Variants in NTM observed in about 807,000 individuals in gnomAD.
NTM encodes neurotrimin, also known as IgLON family member 2.
In NTM, 13 loss-of-function variants were observed where a neutral mutation model predicts 42.1. The ratio of observed to expected loss-of-function variants is 0.31; its 90% CI spans 0.20 to 0.49. NTM has a LOEUF of 0.49. NTM is among the 20% of genes least tolerant of loss of function. The pLI, the probability that NTM is intolerant of heterozygous loss-of-function variation, is 0.99. For missense variants in NTM, 373 were observed against 452.8 expected (o/e 0.82, Z 1.60); for synonymous variants, 187 against 179.2 (o/e 1.04, Z -0.35).
intron 2 of NTM, among the ~76,000 whole-genome samples, chr11:131,944,487 A>G (rs1381358156): frequency 2.6e-5 from 4 of 152,204 alleles, no homozygotes; most frequent in African/African-American, 9.6e-5. Flanking sequence ...CACATGAGGA[A>G]CAATGATATC....
At chr11:131,722,245 G>A (rs1261142193) in intron 1 of NTM, among the ~76,000 whole-genome samples, 6 of 152,098 alleles carry the variant, frequency 3.9e-5, no homozygotes, top group Non-Finnish European at 7.4e-5. Flanking sequence ...CAAAGGTTCC[G>A]GACCTGTAAA....
At chr11:131,966,240 C>T (rs552212101) in intron 2 of NTM, among the ~76,000 whole-genome samples, 13 of 151,936 alleles carry the variant, frequency 8.6e-5, no homozygotes, top group Admixed American at 2.0e-4. Context: ...AAATATTTAC[C>T]GAGGCAGAAT....
chr11:132,009,692 G>T (rs150608619), intron 2 of NTM, among the ~76,000 whole-genome samples: 1 of 152,200 alleles, frequency 6.6e-6, no homozygotes, highest in African/African-American at 2.4e-5. Flanking sequence ...CAAGGAAAGC[G>T]TGCTTTTATT....
chr11:131,764,708 A>G (rs1263400515), intron 1 of NTM, among the ~76,000 whole-genome samples: 8 of 152,192 alleles, frequency 5.3e-5, no homozygotes, highest in Admixed American at 5.2e-4. Context: ...GGTATAATTG[A>G]TGCCTGTTGA....
chr11:131,910,690 C>T, intron 1 of NTM: 1 of 289,602 alleles, frequency 3.5e-6, no homozygotes, highest in Non-Finnish European at 5.1e-6. Context: ...GGCTCCGGTG[C>T]GGGCTGCGCC....
intron 1 of NTM, among the ~76,000 whole-genome samples, chr11:131,558,935 G>T (rs2055833177): frequency 6.6e-6 from 1 of 152,116 alleles, no homozygotes; most frequent in Admixed American, 6.5e-5. Context: ...AAGAAAGAAA[G>T]AAAGAAAACA....
intron 1 of NTM, among the ~76,000 whole-genome samples, chr11:131,640,758 C>T (rs540119457): frequency 3.3e-5 from 5 of 152,152 alleles, no homozygotes; most frequent in Admixed American, 3.3e-4. Context: ...ACTACTGAAG[C>T]AGAATCTCAA....
rs974610272 is a variant in NTM, at chr11:132,232,342, G to T, written c.526+20195G>T. On this transcript the variant is annotated intron_variant, in intron 4 of 8. Coordinates refer to ENST00000683400, the MANE Select transcript of NTM (RefSeq NM_001352005.2). ...AGAAAGCAAAGAGTGTGGGGAAGCT[G>T]ACAACTGATCTCCCGCATTCATGAA... Among the ~76,000 whole-genome samples, 3 of 152,150 alleles carry T rather than the reference G, an allele frequency of 2.0e-5. No homozygotes were observed. In the South Asian group the frequency reaches 6.2e-4, roughly 32 times the overall value.
chr11:131,606,805 T>C (rs533554934), intron 1 of NTM, among the ~76,000 whole-genome samples: 9 of 152,304 alleles, frequency 5.9e-5, no homozygotes, highest in Admixed American at 1.3e-4. Context: ...TCCTAGGCAA[T>C]GGGCCAGTGT....
At chr11:131,493,042 CCT>C (rs1299001204) in intron 1 of NTM, among the ~76,000 whole-genome samples, 1 of 151,480 alleles carries the variant, frequency 6.6e-6, no homozygotes, top group Non-Finnish European at 1.5e-5. Flanking sequence ...ACACGGTGAA[CCT>C]CGTCACTACC....
At chr11:131,757,283 C>T (rs958885660) in intron 1 of NTM, among the ~76,000 whole-genome samples, 2 of 152,168 alleles carry the variant, frequency 1.3e-5, no homozygotes, top group Admixed American at 6.5e-5. Context: ...CCTGTCATTG[C>T]TAATCTCTGT....
intron 1 of NTM, among the ~76,000 whole-genome samples, chr11:131,789,779 AC>A (rs1275481737): frequency 1.5e-5 from 2 of 134,594 alleles, no homozygotes; most frequent in African/African-American, 5.4e-5. Flanking sequence ...ACACGGTGAA[AC>A]CCCGTCTCTA....
intron 2 of NTM, among the ~76,000 whole-genome samples, chr11:131,966,076 C>T (rs936616346): frequency 2.0e-5 from 3 of 151,846 alleles, no homozygotes; most frequent in African/African-American, 4.8e-5. Flanking sequence ...GAAGAACACT[C>T]GAGGGTGAGT....
intron 1 of NTM, among the ~76,000 whole-genome samples, chr11:131,672,046 C>T (rs374632784): frequency 4.6e-5 from 7 of 152,244 alleles, no homozygotes; most frequent in South Asian, 4.1e-4. Flanking sequence ...TTCCTCTCCA[C>T]GTGCACATCC....
intron 3 of NTM, among the ~76,000 whole-genome samples, chr11:132,185,235 A>G (rs930766843): frequency 6.6e-6 from 1 of 152,218 alleles, no homozygotes; most frequent in Non-Finnish European, 1.5e-5. Flanking sequence ...GCACATGTAC[A>G]TACATGTGAA....
At chr11:132,163,553 G>A (rs1343892645) in intron 3 of NTM, among the ~76,000 whole-genome samples, 2 of 152,218 alleles carry the variant, frequency 1.3e-5, no homozygotes, top group Non-Finnish European at 2.9e-5. Flanking sequence ...TAGAAATGAG[G>A]AGACCAACTA....
At chr11:131,408,632 T>G (rs1946066187) in intron 1 of NTM, among the ~76,000 whole-genome samples, 1 of 152,304 alleles carries the variant, frequency 6.6e-6, no homozygotes, top group East Asian at 1.9e-4. Flanking sequence ...GTTTTCACCT[T>G]GCAGATGAGA....
intron 1 of NTM, among the ~76,000 whole-genome samples, chr11:131,484,347 C>A (rs575673043): frequency 6.6e-6 from 1 of 152,056 alleles, no homozygotes; most frequent in Non-Finnish European, 1.5e-5. Context: ...GTAAAAGATA[C>A]AAGACTGGCA....
intron 1 of NTM, among the ~76,000 whole-genome samples, chr11:131,474,807 G>A (rs1001428513): frequency 7.9e-5 from 12 of 151,890 alleles, no homozygotes; most frequent in African/African-American, 2.7e-4. Flanking sequence ...TTCTCCTTAC[G>A]CCACCCAAAC....
Sources: gnomAD v4.1 joint callset for allele counts (sites outside exome capture counted in the v4.1 genomes callset) on GRCh38, gnomAD v4.1.1 for gene constraint, MANE v1.5 for transcripts, NCBI Gene and HGNC (gene_info 2026-07-23, HGNC 2026-07-21) for gene names.